LRRC4C: variants seen among roughly 807,000 people sequenced by gnomAD.
The protein encoded by LRRC4C is leucine-rich repeat-containing protein 4C.
LRRC4C carries 5 observed loss-of-function variants against 33.6 expected under a neutral mutation model. That is an observed-to-expected ratio of 0.15 (90% confidence interval 0.08 to 0.31). The LOEUF is 0.31. Ranked by LOEUF, LRRC4C falls within the 10% of genes least tolerant of loss-of-function variation. The pLI is 1.00. For synonymous variants in LRRC4C, 329 were observed against 302.0 expected (o/e 1.09, Z -0.93); for missense variants, 560 against 796.7 (o/e 0.70, Z 3.58).
chr11:41,226,777 C>CACACACACACACACA (rs1565496331), intron 1 of LRRC4C, among the ~76,000 whole-genome samples: 3 of 150,712 alleles, frequency 2.0e-5, no homozygotes, highest in South Asian at 2.1e-4. Context: ...CACACACACA[C>CACACACACACACACA]CCTTCTCTCT....
intron 2 of LRRC4C, among the ~76,000 whole-genome samples, chr11:40,650,574 A>G (rs528709215): frequency 1.1e-4 from 16 of 152,328 alleles, no homozygotes; most frequent in African/African-American, 3.8e-4. Flanking sequence ...AATAATTAAT[A>G]AAAGTCAATT....
At chr11:40,693,523 T>C (rs1945329223) in intron 2 of LRRC4C, among the ~76,000 whole-genome samples, 1 of 152,074 alleles carries the variant, frequency 6.6e-6, no homozygotes, top group South Asian at 2.1e-4. Context: ...CTGCAGACTT[T>C]CTTTATATTT....
chr11:41,348,198 A>C (rs1225643423), intron 1 of LRRC4C, among the ~76,000 whole-genome samples: 1 of 152,210 alleles, frequency 6.6e-6, no homozygotes, highest in African/African-American at 2.4e-5. Context: ...GGCATTAGTG[A>C]AGGCACACCG....
intron 2 of LRRC4C, among the ~76,000 whole-genome samples, chr11:40,649,112 T>C (rs995258367): frequency 6.6e-6 from 1 of 152,186 alleles, no homozygotes; most frequent in African/African-American, 2.4e-5. Context: ...CAGCTGTGCA[T>C]GTATTGTCTT....
chr11:40,883,063 C>T (rs1031327326), intron 2 of LRRC4C, among the ~76,000 whole-genome samples: 5 of 152,014 alleles, frequency 3.3e-5, no homozygotes, highest in Admixed American at 1.3e-4. Flanking sequence ...TTCGCATCTC[C>T]GTCTCAGTGT....
chr11:40,129,925 A>T (rs1388261313), intron 6 of LRRC4C, among the ~76,000 whole-genome samples: 3 of 152,024 alleles, frequency 2.0e-5, no homozygotes, highest in African/African-American at 7.3e-5. Flanking sequence ...AAATAAAAAT[A>T]ATTTGTTTTT....
chr11:40,991,638 G>A (rs983336122), intron 1 of LRRC4C, among the ~76,000 whole-genome samples: 2 of 152,166 alleles, frequency 1.3e-5, no homozygotes, highest in African/African-American at 4.8e-5. Flanking sequence ...CCTGCCACTA[G>A]ACAGTCCCAT....
At chr11:40,981,377 G>A (rs1157638845) in intron 1 of LRRC4C, among the ~76,000 whole-genome samples, 2 of 151,142 alleles carry the variant, frequency 1.3e-5, no homozygotes, top group African/African-American at 4.9e-5. Context: ...TCACGCCACT[G>A]CATTCCAGCC....
At chr11:40,720,126 TC>T (rs1469822500) in intron 2 of LRRC4C, among the ~76,000 whole-genome samples, 1 of 152,092 alleles carries the variant, frequency 6.6e-6, no homozygotes, top group Non-Finnish European at 1.5e-5. Context: ...TTTTCCCATC[TC>T]CCCTTCTTTG....
intron 1 of LRRC4C, among the ~76,000 whole-genome samples, chr11:41,179,214 G>GTTTTTT (rs1945339827): frequency 6.7e-6 from 1 of 150,060 alleles, no homozygotes; most frequent in Non-Finnish European, 1.5e-5. Context: ...GATATCTGTG[G>GTTTTTT]TTAGGTCCTT....
At chr11:40,205,706 T>A (rs1863096711) in intron 5 of LRRC4C, among the ~76,000 whole-genome samples, 1 of 152,178 alleles carries the variant, frequency 6.6e-6, no homozygotes, top group East Asian at 1.9e-4. Context: ...TTCAGCATGA[T>A]TTTTAAAATT....
rs184641051 is a variant in LRRC4C at position 41,048,578 on chromosome 11, T to A, written c.-495-114855A>T. On this transcript the variant is annotated intron_variant, in intron 1 of 6. Transcript: ENST00000528697. ...GCGCCCAGCCCGATTCTGTATTTTT[T>A]AAAAATTTTTTCATCTTGGTCTACC... Among the ~76,000 whole-genome samples the A allele has an allele frequency of 1.4e-3, 209 of 152,264 alleles. 7 individuals are homozygous for A. The East Asian group carries it at 0.032, about 23-fold the overall frequency.
chr11:40,208,948 C>CGTGTGTGTGTGT (rs58767227), intron 5 of LRRC4C, among the ~76,000 whole-genome samples: 4,558 of 146,688 alleles, frequency 0.031, 85 homozygotes, highest in Non-Finnish European at 0.039. Context: ...CTTTTGTGCA[C>CGTGTGTGTGTGT]GTGTGTGTGT....
rs142980445 is a variant in LRRC4C, at chr11:40,707,904, A to G, written c.-406-59626T>C. Among the ~76,000 whole-genome samples the G allele has an allele frequency of 7.3e-3, 1,119 of 152,250 alleles. 17 individuals are homozygous for G. Among genetic ancestry groups the G allele is most frequent in the African/African-American group, 0.025 (1,057 of 41,546 alleles). ...CAATTTCAGAGCCTGTTATTGGTCT[A>G]TTCAGCAATTCAACTTCTTCCTGTT... On this transcript the variant is annotated intron_variant, in intron 2 of 6. Transcript: ENST00000528697.
chr11:40,719,980 C>T (rs1400281137), intron 2 of LRRC4C, among the ~76,000 whole-genome samples: 1 of 152,100 alleles, frequency 6.6e-6, no homozygotes, highest in Non-Finnish European at 1.5e-5. Context: ...GATTCTTAGG[C>T]AAATTGGGAA....
chr11:41,050,797 G>A (rs1858150675), intron 1 of LRRC4C, among the ~76,000 whole-genome samples: 2 of 152,120 alleles, frequency 1.3e-5, no homozygotes, highest in South Asian at 4.1e-4. Context: ...TGGGATTGCT[G>A]GGTCAAATGG....
chr11:40,872,677 G>A (rs973095985), intron 2 of LRRC4C, among the ~76,000 whole-genome samples: 5 of 152,084 alleles, frequency 3.3e-5, no homozygotes, highest in Non-Finnish European at 7.4e-5. Flanking sequence ...GCTACTCTAT[G>A]AGCTTGGAAG....
intron 2 of LRRC4C, among the ~76,000 whole-genome samples, chr11:40,859,189 C>G (rs1165550715): frequency 6.6e-6 from 1 of 152,124 alleles, no homozygotes; most frequent in Non-Finnish European, 1.5e-5. Context: ...GAATCGTGGA[C>G]TAAGCAAGAG....
intron 2 of LRRC4C, among the ~76,000 whole-genome samples, chr11:40,873,754 T>A (rs1292832019): frequency 6.6e-6 from 1 of 152,168 alleles, no homozygotes; most frequent in Non-Finnish European, 1.5e-5. Context: ...TTAAGTTCAT[T>A]TCTTGTATCA....
Sources: gnomAD v4.1 joint callset for allele counts (sites outside exome capture counted in the v4.1 genomes callset) on GRCh38, gnomAD v4.1.1 for gene constraint, MANE v1.5 for transcripts, NCBI Gene and HGNC (gene_info 2026-07-23, HGNC 2026-07-21) for gene names.